The following ZNF638 variants were observed in gnomAD, a reference collection of about 807,000 sequenced individuals.
ZNF638 encodes the protein zinc finger protein 638.
Under a neutral mutation model 195.6 loss-of-function variants are expected in ZNF638, and 46 were observed. The ratio of observed to expected loss-of-function variants is 0.24; its 90% confidence interval spans 0.19 to 0.30. The LOEUF (loss-of-function observed/expected upper bound fraction) is 0.30, where lower values mean the gene tolerates loss of function less well. Ranked by LOEUF, ZNF638 falls within the 10% of genes least tolerant of loss-of-function variation. The probability of loss-of-function intolerance (pLI) is 1.00; values close to 1 mark genes in which losing one functional copy is unlikely to be tolerated. For missense variants in ZNF638, 2,440 were observed against 2,325.3 expected (o/e 1.05, Z -1.01); for synonymous variants, 845 against 772.0 (o/e 1.09, Z -1.57).
intron 18 of ZNF638, 130 bp from the exon 19 acceptor site, chr2:71,405,998 A>G: frequency 2.9e-6 from 3 of 1,031,998 alleles, no homozygotes; most frequent in Non-Finnish European, 2.8e-6. Flanking sequence ...GTCTTCCCCC[A>G]TGTAGTCATT....
chr2:71,355,251 C>G (rs369464320), intron 2 of ZNF638, among the ~76,000 whole-genome samples: 1 of 152,148 alleles, frequency 6.6e-6, no homozygotes, highest in Non-Finnish European at 1.5e-5. Context: ...CCACTGCGCC[C>G]GGCGGCATTT....
At chr2:71,424,291 TA>T (rs76683427) in intron 22 of ZNF638, among the ~76,000 whole-genome samples, 3,747 of 137,730 alleles carry the variant, frequency 0.027, 26 homozygotes, top group African/African-American at 0.033. Flanking sequence ...AACTGTGGTT[TA>T]AAAAAAAAAA....
intron 2 of ZNF638, among the ~76,000 whole-genome samples, chr2:71,351,528 T>A (rs2078940480): frequency 6.6e-6 from 1 of 152,244 alleles, no homozygotes; most frequent in Non-Finnish European, 1.5e-5. Context: ...TTGTCTGTAT[T>A]CTTGTGACTG....
intron 17 of ZNF638, 133 bp downstream of exon 17, chr2:71,404,131 C>A: frequency 1.2e-6 from 1 of 852,918 alleles, no homozygotes; most frequent in Non-Finnish European, 1.8e-6. Context: ...TCTTCCTGTC[C>A]CTCCAACAAT....
intron 4 of ZNF638, among the ~76,000 whole-genome samples, 170 bp from the exon 5 acceptor site, chr2:71,363,784 A>G (rs2079149083): frequency 6.6e-6 from 1 of 152,236 alleles, no homozygotes; most frequent in African/African-American, 2.4e-5. Flanking sequence ...TTATTTACGT[A>G]TAAGGCTGAA....
At position 71,402,184 on chromosome 2, in the gene ZNF638, G is replaced by A; in HGVS notation, c.2829+97G>A. 6 of 1,263,532 alleles carry A rather than the reference G, an allele frequency of 4.7e-6. No homozygotes were observed. In the South Asian group the frequency reaches 5.0e-5, roughly 11 times the overall value. 78.3% of individuals were successfully genotyped at this position (1,263,532 alleles called of 1,614,324 possible). A position where few individuals can be genotyped will look rare whatever the true frequency, so the allele number is the denominator to read the frequency against. On this transcript the variant is annotated intron_variant, in intron 16 of 27. Transcript: ENST00000264447. ...ACTAAAAAGAAAAGGTTTAAAAGCAGTATCTCAAAGTAAACTTTCAAGCTA... is the reference window on the plus strand; with the variant it reads ...ACTAAAAAGAAAAGGTTTAAAAGCAATATCTCAAAGTAAACTTTCAAGCTA...
intron 8 of ZNF638, among the ~76,000 whole-genome samples, chr2:71,376,701 A>T (rs1322837459): frequency 1.3e-5 from 1 of 76,280 alleles, no homozygotes; most frequent in Non-Finnish European, 2.6e-5. Flanking sequence ...TATGAATCTA[A>T]ATATTACAGA....
intron 21 of ZNF638, among the ~76,000 whole-genome samples, chr2:71,419,279 T>G (rs1477166181): frequency 6.6e-6 from 1 of 152,206 alleles, no homozygotes; most frequent in Non-Finnish European, 1.5e-5. Context: ...TGACTTGCCT[T>G]TCACTGCTCT....
intron 25 of ZNF638, among the ~76,000 whole-genome samples, chr2:71,430,093 A>G (rs952720247): frequency 6.6e-6 from 1 of 152,232 alleles, no homozygotes; most frequent in Non-Finnish European, 1.5e-5. Flanking sequence ...TTACGTAACA[A>G]TATATTTCTA....
intron 3 of ZNF638, among the ~76,000 whole-genome samples, chr2:71,361,349 C>A (rs2079106479): frequency 6.6e-6 from 1 of 152,198 alleles, no homozygotes; most frequent in East Asian, 1.9e-4. Flanking sequence ...TTGTTAATCA[C>A]CTTCATTTCC....
intron 10 of ZNF638, among the ~76,000 whole-genome samples, chr2:71,394,301 A>G (rs1235050692): frequency 1.3e-5 from 2 of 152,170 alleles, no homozygotes; most frequent in Non-Finnish European, 2.9e-5. Context: ...TGCCACCCCA[A>G]GACACTTAAT....
intron 19 of ZNF638, among the ~76,000 whole-genome samples, chr2:71,406,927 G>C (rs1354625471): frequency 6.6e-6 from 1 of 152,152 alleles, no homozygotes; most frequent in African/African-American, 2.4e-5. Context: ...TTGAGCCCAG[G>C]AGTTGGAGGC....
intron 10 of ZNF638, among the ~76,000 whole-genome samples, chr2:71,381,120 C>G (rs556446469): frequency 1.3e-5 from 2 of 151,922 alleles, no homozygotes; most frequent in African/African-American, 4.8e-5. Flanking sequence ...TTTTCTTAGT[C>G]CATTTAGGAC....
At chr2:71,409,945 AG>A (rs2080178880) in intron 20 of ZNF638, among the ~76,000 whole-genome samples, 1 of 152,072 alleles carries the variant, frequency 6.6e-6, no homozygotes, top group South Asian at 2.1e-4. Flanking sequence ...AAGTATGTGG[AG>A]GCAGTACATT....
chr2:71,344,019 A>G (rs1224034359), intron 1 of ZNF638, among the ~76,000 whole-genome samples: 2 of 152,222 alleles, frequency 1.3e-5, no homozygotes, highest in African/African-American at 4.8e-5. Context: ...AGTCCCAGCT[A>G]CTCAGGAGGG....
At chr2:71,348,079 T>C (rs2078881445) in intron 1 of ZNF638, among the ~76,000 whole-genome samples, 1 of 152,246 alleles carries the variant, frequency 6.6e-6, no homozygotes, top group Non-Finnish European at 1.5e-5. Flanking sequence ...ACTGCGTCTA[T>C]GGATGGAATC....
At chr2:71,341,649 C>G (rs1420747003) in intron 1 of ZNF638, 1 of 152,166 alleles carries the variant, frequency 6.6e-6, no homozygotes, top group Admixed American at 6.5e-5. Context: ...TACTTAATTG[C>G]AGTTTTTTCC....
chr2:71,434,140 C>G (rs1052660525), intron 27 of ZNF638, among the ~76,000 whole-genome samples: 1 of 152,180 alleles, frequency 6.6e-6, no homozygotes, highest in African/African-American at 2.4e-5. Context: ...GTCTTCAAAG[C>G]CCTGCATGAT....
intron 10 of ZNF638, 135 bp downstream of exon 10, chr2:71,380,700 G>A (rs1014391722): frequency 6.9e-6 from 4 of 579,842 alleles, no homozygotes; most frequent in Non-Finnish European, 1.2e-5. Context: ...ATTGGCCCCT[G>A]TATTAAGCAG....
Sources: allele counts gnomAD v4.1 joint callset (sites outside exome capture counted in the v4.1 genomes callset), GRCh38; gene constraint gnomAD v4.1.1; transcripts MANE v1.5; gene names NCBI Gene and HGNC (gene_info 2026-07-23, HGNC 2026-07-21).